The following PRELID2 variants were observed in gnomAD, a reference collection of about 807,000 sequenced individuals.
PRELID2 encodes the protein PRELI domain-containing protein 2.
Under a neutral mutation model 28.4 loss-of-function variants are expected in PRELID2, and 25 were observed. That is an observed-to-expected ratio of 0.88 (90% confidence interval 0.64 to 1.23). The LOEUF (loss-of-function observed/expected upper bound fraction) is 1.23, where lower values mean the gene tolerates loss of function less well. PRELID2 is among the 50% of genes most tolerant of loss of function. PRELID2 has a pLI of 0.00. For missense variants in PRELID2, 201 were observed against 214.4 expected, an observed-to-expected ratio of 0.94 and a Z score of 0.39; for synonymous variants, 76 against 71.6, an observed-to-expected ratio of 1.06 and a Z score of -0.31.
At chr5:145,695,234 G>A (rs1411685787) in intron 1 of PRELID2, among the ~76,000 whole-genome samples, 1 of 152,176 alleles carries the variant, frequency 6.6e-6, no homozygotes, top group Non-Finnish European at 1.5e-5. Context: ...TGACATGAAT[G>A]CCAAGACCTG....
chr5:145,687,501 A>G (rs889807283), intron 1 of PRELID2, among the ~76,000 whole-genome samples: 11 of 152,188 alleles, frequency 7.2e-5, no homozygotes, highest in African/African-American at 2.4e-4. Flanking sequence ...AAAATGCAAC[A>G]TGTGATCCTG....
intron 1 of PRELID2, among the ~76,000 whole-genome samples, chr5:145,476,568 C>T (rs186011595): frequency 6.6e-6 from 1 of 152,142 alleles, no homozygotes; most frequent in African/African-American, 2.4e-5. Context: ...TCGCCTGAAC[C>T]CCGGAGGTGG....
At chr5:145,654,042 T>C (rs1038457363) in intron 1 of PRELID2, among the ~76,000 whole-genome samples, 1 of 151,224 alleles carries the variant, frequency 6.6e-6, no homozygotes. Flanking sequence ...ATCAAACAGA[T>C]GCAATAAAAA....
intron 1 of PRELID2, among the ~76,000 whole-genome samples, chr5:145,640,212 C>A (rs570124795): frequency 6.6e-6 from 1 of 151,968 alleles, no homozygotes; most frequent in South Asian, 2.1e-4. Flanking sequence ...GGCGGCCGGG[C>A]GCGGTGGCTC....
chr5:145,381,736 C>T, the PRELID2 span: 1 of 152,390 alleles, frequency 6.6e-6, no homozygotes. Flanking sequence ...CAAAACAAGA[C>T]ATTCTTATAA....
the PRELID2 span, among the ~76,000 whole-genome samples, chr5:145,353,140 T>C: frequency 6.6e-6 from 1 of 152,166 alleles, no homozygotes. Flanking sequence ...TTTACTGTAT[T>C]AGTCCATTCT....
chr5:145,397,228 C>T, the PRELID2 span, among the ~76,000 whole-genome samples: 2 of 152,072 alleles, frequency 1.3e-5, no homozygotes, highest in South Asian at 4.1e-4. Context: ...TCTACATGTT[C>T]CGAAGGCCCC....
In PRELID2 at chr5:145,827,173, C is replaced by T. The variant is rs1755249971; in HGVS notation, c.76-4039G>A. 2.6e-5 allele frequency among the ~76,000 whole-genome samples: 4 copies of T among 152,040 alleles called. No homozygotes were observed. In the South Asian group the frequency reaches 8.3e-4, roughly 32 times the overall value. ...AGGGAATCTGTTATCTAGGCTGCTG[C>T]CAAACATGTACATGCAAAGAGATGG... On this transcript the variant is annotated intron_variant, in intron 1 of 6. Transcript: ENST00000683046.
At chr5:145,521,635 T>C (rs1752563745) in intron 1 of PRELID2, among the ~76,000 whole-genome samples, 1 of 152,184 alleles carries the variant, frequency 6.6e-6, no homozygotes, top group Non-Finnish European at 1.5e-5. Context: ...TTGCCAGATC[T>C]GCCTCATAAT....
At position 145,758,971 on chromosome 5, in the gene PRELID2, A is replaced by C. The variant is rs1314737840; in HGVS notation, c.*1565T>G. 1 of 151,068 alleles carries C rather than the reference A, an allele frequency of 6.6e-6. No individual in the cohort carries two copies. The highest frequency in any genetic ancestry group is 1.5e-5 in the Non-Finnish European group (1 of 67,828). The allele number at this position is 151,068 out of a possible 1,614,324, so 9.4% of individuals were successfully genotyped here. On this transcript the variant is annotated 3_prime_UTR_variant, in exon 7 of 7. Coordinates refer to ENST00000683046, the MANE Select transcript of PRELID2 (RefSeq NM_205846.3). ...AGACATTTTAAAAAAAAATTTCCCC[A>C]AGACTCTCCAGTAACGGCCTGAATT...
At chr5:145,663,300 C>A (rs1435230179) in intron 1 of PRELID2, among the ~76,000 whole-genome samples, 1 of 152,162 alleles carries the variant, frequency 6.6e-6, no homozygotes, top group Non-Finnish European at 1.5e-5. Context: ...CGTGCAACCT[C>A]AAATTCCTTT....
the PRELID2 span, among the ~76,000 whole-genome samples, chr5:145,361,982 C>T: frequency 3.3e-5 from 5 of 152,170 alleles, no homozygotes; most frequent in East Asian, 1.9e-4. Flanking sequence ...TATAGCTCTT[C>T]TGCACAGCTC....
chr5:145,544,756 T>C (rs994668267), intron 1 of PRELID2, among the ~76,000 whole-genome samples: 5 of 152,108 alleles, frequency 3.3e-5, no homozygotes. Context: ...GATAACAGAA[T>C]TCAAATTGTT....
chr5:145,571,981 CAAA>C (rs557402967), intron 1 of PRELID2, among the ~76,000 whole-genome samples: 1 of 100,898 alleles, frequency 9.9e-6, no homozygotes. Context: ...GACTCCGTCT[CAAA>C]AAAAAAAAAG....
chr5:145,581,189 T>C (rs771915433), intron 1 of PRELID2, among the ~76,000 whole-genome samples: 4 of 152,056 alleles, frequency 2.6e-5, no homozygotes, highest in Non-Finnish European at 5.9e-5. Flanking sequence ...TGTATTTAGA[T>C]ATCCCTTCCT....
At chr5:145,559,457 A>C (rs1561506226) in intron 1 of PRELID2, among the ~76,000 whole-genome samples, 4 of 152,178 alleles carry the variant, frequency 2.6e-5, no homozygotes, top group Non-Finnish European at 5.9e-5. Flanking sequence ...AAAATACATA[A>C]TGTAGTCTTT....
chr5:145,696,542 C>A (rs1187840380), intron 1 of PRELID2, among the ~76,000 whole-genome samples: 1 of 152,112 alleles, frequency 6.6e-6, no homozygotes, highest in Non-Finnish European at 1.5e-5. Flanking sequence ...GCTTACTGAA[C>A]CCTCGATCTC....
At chr5:145,730,690 TA>T (rs200323361) in intron 1 of PRELID2, among the ~76,000 whole-genome samples, 9 of 147,736 alleles carry the variant, frequency 6.1e-5, no homozygotes, top group Admixed American at 1.3e-4. Flanking sequence ...TTCACCTTAA[TA>T]AAAAAAAAAC....
At chr5:145,273,391 C>G in the PRELID2 span, among the ~76,000 whole-genome samples, 7 of 152,026 alleles carry the variant, frequency 4.6e-5, no homozygotes, top group Non-Finnish European at 1.5e-5. Context: ...CCCTTAAATA[C>G]TGAGGGAAAC....
Sources: gnomAD v4.1 joint callset for allele counts (sites outside exome capture counted in the v4.1 genomes callset) on GRCh38, gnomAD v4.1.1 for gene constraint, MANE v1.5 for transcripts, NCBI Gene and HGNC (gene_info 2026-07-23, HGNC 2026-07-21) for gene names.